The following THSD7B variants were observed in gnomAD, a reference collection of about 807,000 sequenced individuals.
The protein encoded by THSD7B is thrombospondin type-1 domain-containing protein 7B.
A neutral mutation model predicts 213.6 loss-of-function variants in THSD7B; 138 were observed. That is an observed-to-expected ratio of 0.65 (90% CI 0.56 to 0.74). THSD7B has a LOEUF of 0.74. Ranked by LOEUF, THSD7B falls within the 30% of genes least tolerant of loss-of-function variation. The probability of loss-of-function intolerance (pLI) is 0.00; values close to 1 mark genes in which losing one functional copy is unlikely to be tolerated. For synonymous variants in THSD7B, 742 were observed against 687.0 expected, an observed-to-expected ratio of 1.08 and a Z score of -1.25; for missense variants, 1,931 against 1,991.5, an observed-to-expected ratio of 0.97 and a Z score of 0.58.
At chr2:136,929,554 C>T (rs1260630693) in intron 2 of THSD7B, among the ~76,000 whole-genome samples, 1 of 152,188 alleles carries the variant, frequency 6.6e-6, no homozygotes. Flanking sequence ...AGAAGCCACT[C>T]AGGAAATTTT....
chr2:136,911,005 A>G (rs1359622005), intron 2 of THSD7B, among the ~76,000 whole-genome samples: 1 of 152,158 alleles, frequency 6.6e-6, no homozygotes, highest in African/African-American at 2.4e-5. Context: ...AAGGTACCTT[A>G]ATTATAGAAT....
At chr2:137,632,834 G>A (rs1394352853) in intron 20 of THSD7B, among the ~76,000 whole-genome samples, 1 of 152,132 alleles carries the variant, frequency 6.6e-6, no homozygotes, top group Non-Finnish European at 1.5e-5. Context: ...GCAGAGATGT[G>A]ATCCTGGCTT....
At position 137,448,864 on chromosome 2, in the gene THSD7B, C is replaced by A. The variant is rs560166665; in HGVS notation, c.2960-1981C>A. On this transcript the variant is annotated intron_variant, in intron 14 of 27. Transcript: ENST00000409968. Reference sequence around the variant, plus strand: ...AAACTACCCTTTCCTGGGTCCCATCCTCTGAGAATCAGGTGGAATTGGTCT... The same window carrying A: ...AAACTACCCTTTCCTGGGTCCCATCATCTGAGAATCAGGTGGAATTGGTCT... Among the ~76,000 whole-genome samples the A allele has an allele frequency of 3.3e-5, 5 of 152,184 alleles. No homozygotes were observed. The East Asian group carries it at 9.7e-4, about 29-fold the overall frequency.
Position 136,936,068 on chromosome 2 carries a change from A to G in THSD7B, c.139+53751A>G, listed in dbSNP as rs1329453816. Among the ~76,000 whole-genome samples, 69 of 151,400 alleles carry G rather than the reference A, an allele frequency of 4.6e-4. 1 individual carries two copies. Among genetic ancestry groups the G allele is most frequent in the Admixed American group, 4.5e-3 (69 of 15,178 alleles). ...TGTTTAACAGCTTTATTGATATAAA[A>G]TTCATATATGATAAAATTTACCCAT... On this transcript the variant is annotated intron_variant, in intron 2 of 27. Coordinates refer to ENST00000409968, the MANE Select transcript of THSD7B (RefSeq NM_001316349.2).
chr2:137,574,529 G>A (rs1182001131), intron 17 of THSD7B, among the ~76,000 whole-genome samples: 1 of 152,032 alleles, frequency 6.6e-6, no homozygotes, highest in Non-Finnish European at 1.5e-5. Flanking sequence ...TATACTGAAA[G>A]CTACATGTAA....
intron 2 of THSD7B, among the ~76,000 whole-genome samples, chr2:136,946,604 G>C (rs1448004730): frequency 6.6e-6 from 1 of 152,204 alleles, no homozygotes; most frequent in African/African-American, 2.4e-5. Context: ...AGTCTATAGA[G>C]GGAGCAAGCT....
At chr2:137,456,555 C>T (rs1687767754) in intron 15 of THSD7B, among the ~76,000 whole-genome samples, 1 of 152,220 alleles carries the variant, frequency 6.6e-6, no homozygotes, top group Admixed American at 6.5e-5. Context: ...GACTGCTGCT[C>T]ACTTTGGACG....
At chr2:137,315,095 C>A (rs1306097487) in intron 12 of THSD7B, among the ~76,000 whole-genome samples, 1 of 152,174 alleles carries the variant, frequency 6.6e-6, no homozygotes. Flanking sequence ...GGCGGGCGCC[C>A]CTCCCCCAGC....
At chr2:136,901,101 A>G (rs1220621091) in intron 2 of THSD7B, among the ~76,000 whole-genome samples, 1 of 152,174 alleles carries the variant, frequency 6.6e-6, no homozygotes, top group African/African-American at 2.4e-5. Flanking sequence ...TTGTTTTAAT[A>G]GAAAAACAAA....
chr2:136,837,812 T>G (rs189149613), intron 1 of THSD7B, among the ~76,000 whole-genome samples: 1 of 152,228 alleles, frequency 6.6e-6, no homozygotes, highest in Admixed American at 6.5e-5. Context: ...GTCATTTCTT[T>G]ATATATCCTC....
At chr2:137,247,347 G>A (rs1320987981) in intron 10 of THSD7B, among the ~76,000 whole-genome samples, 1 of 152,096 alleles carries the variant, frequency 6.6e-6, no homozygotes, top group Non-Finnish European at 1.5e-5. Flanking sequence ...GCTGCACAAA[G>A]CAATTATCAC....
chr2:137,040,179 A>G (rs561072573), intron 2 of THSD7B, among the ~76,000 whole-genome samples: 1 of 152,312 alleles, frequency 6.6e-6, no homozygotes, highest in South Asian at 2.1e-4. Flanking sequence ...TGATTCCCAA[A>G]GGAACTCTTT....
At chr2:136,790,678 G>A (rs1681951462) in intron 1 of THSD7B, among the ~76,000 whole-genome samples, 1 of 151,972 alleles carries the variant, frequency 6.6e-6, no homozygotes, top group Non-Finnish European at 1.5e-5. Flanking sequence ...AGCATATTGG[G>A]GGTAGTAAAA....
chr2:137,568,992 AGGAC>A (rs1308544689), intron 16 of THSD7B, among the ~76,000 whole-genome samples: 3 of 152,204 alleles, frequency 2.0e-5, no homozygotes, highest in Non-Finnish European at 2.9e-5. Flanking sequence ...TATTAAGGTG[AGGAC>A]TTTGTGATGG....
intron 7 of THSD7B, among the ~76,000 whole-genome samples, chr2:137,182,066 AG>A (rs1490470346): frequency 6.6e-6 from 1 of 152,190 alleles, no homozygotes; most frequent in African/African-American, 2.4e-5. Flanking sequence ...CTTATCCAGA[AG>A]GGCCAATCAG....
chr2:137,334,056 A>G (rs1684579305), intron 12 of THSD7B, among the ~76,000 whole-genome samples: 1 of 152,212 alleles, frequency 6.6e-6, no homozygotes, highest in African/African-American at 2.4e-5. Flanking sequence ...ACCATAGACA[A>G]TATGTAGACA....
intron 12 of THSD7B, among the ~76,000 whole-genome samples, chr2:137,307,534 T>C (rs1194090732): frequency 6.6e-6 from 1 of 152,146 alleles, no homozygotes; most frequent in Non-Finnish European, 1.5e-5. Context: ...TTAGAAAAGC[T>C]ATAGACTGCT....
intron 2 of THSD7B, among the ~76,000 whole-genome samples, chr2:136,891,607 T>G (rs1650458339): frequency 6.6e-6 from 1 of 152,180 alleles, no homozygotes; most frequent in Admixed American, 6.5e-5. Flanking sequence ...GAGGCTCCGC[T>G]CCCTGTGTCC....
chr2:137,232,917 C>A lies in THSD7B; in HGVS notation c.1934C>A (p.Pro645His), dbSNP rs754247608. The A allele has an allele frequency of 1.2e-6, 2 of 1,613,906 alleles. No homozygotes were observed. The highest frequency in any genetic ancestry group is 1.1e-5 in the South Asian group (1 of 91,068). Residue 645 changes from proline (P) to histidine (H), a missense_variant, in exon 9 of 28, where the codon CCT becomes CAT. By Grantham distance (77) the Pro-to-His change is moderately conservative. Transcript: ENST00000409968. ...LAGEGGKPCPPSQALQEHRLC... is the reference protein window; with the variant it reads ...LAGEGGKPCPHSQALQEHRLC... ...TTGGCAGGTGGAAAGCCATGTCCCCCTAGTCAGGCTCTCCAAGAGCATCGT... is the reference window on the plus strand; with the variant it reads ...TTGGCAGGTGGAAAGCCATGTCCCCATAGTCAGGCTCTCCAAGAGCATCGT...
Sources: allele counts gnomAD v4.1 joint callset (sites outside exome capture counted in the v4.1 genomes callset), GRCh38; gene constraint gnomAD v4.1.1; transcripts MANE v1.5; gene names NCBI Gene and HGNC (gene_info 2026-07-23, HGNC 2026-07-21).